Variants in LINGO2 observed in about 807,000 individuals in gnomAD.
LINGO2 encodes leucine rich repeat and Ig domain containing 2.
LINGO2 carries 14 observed loss-of-function variants against 30.6 expected under a neutral mutation model. The observed-to-expected ratio is 0.46, with a 90% CI of 0.30 to 0.72. The LOEUF (loss-of-function observed/expected upper bound fraction) is 0.72, where lower values mean the gene tolerates loss of function less well. Ranked by LOEUF, LINGO2 falls within the 30% of genes least tolerant of loss-of-function variation. The pLI is 0.07. For synonymous variants in LINGO2, 317 were observed against 288.5 expected (o/e 1.10, Z -1.00); for missense variants, 729 against 751.7 (o/e 0.97, Z 0.35).
the LINGO2 span, among the ~76,000 whole-genome samples, chr9:28,695,798 T>C: frequency 6.6e-6 from 1 of 151,362 alleles, no homozygotes; most frequent in Non-Finnish European, 1.5e-5. Context: ...AAAAAATATA[T>C]AGTTCTGAAT....
At chr9:28,755,655 C>T in the LINGO2 span, among the ~76,000 whole-genome samples, 3 of 151,976 alleles carry the variant, frequency 2.0e-5, no homozygotes, top group South Asian at 4.1e-4. Context: ...TCATGGCTTC[C>T]GAGTGAGTTG....
At chr9:28,151,024 A>C (rs1293324519) in intron 4 of LINGO2, among the ~76,000 whole-genome samples, 1 of 152,260 alleles carries the variant, frequency 6.6e-6, no homozygotes, top group Non-Finnish European at 1.5e-5. Context: ...AACAAAATTA[A>C]GGACAATTCC....
At chr9:28,943,777 T>G in the LINGO2 span, among the ~76,000 whole-genome samples, 1 of 152,108 alleles carries the variant, frequency 6.6e-6, no homozygotes. Context: ...GTGAGAAGAA[T>G]AGTGTAAGGA....
intron 4 of LINGO2, among the ~76,000 whole-genome samples, chr9:28,251,889 A>G (rs976698306): frequency 6.6e-6 from 1 of 152,170 alleles, no homozygotes; most frequent in East Asian, 1.9e-4. Context: ...TGCAAATTGT[A>G]TACCTGGAAT....
At chr9:29,131,511 G>C in the LINGO2 span, among the ~76,000 whole-genome samples, 28 of 152,072 alleles carry the variant, frequency 1.8e-4, no homozygotes, top group Non-Finnish European at 3.2e-4. Context: ...TGAAAAAAAT[G>C]CCCTACAATG....
intron 5 of LINGO2, among the ~76,000 whole-genome samples, chr9:27,962,188 G>C (rs151056002): frequency 6.6e-6 from 1 of 152,026 alleles, no homozygotes; most frequent in Non-Finnish European, 1.5e-5. Flanking sequence ...TTGAATTGAC[G>C]GTAAAGTGCG....
At chr9:29,162,897 C>T in the LINGO2 span, among the ~76,000 whole-genome samples, 1 of 152,090 alleles carries the variant, frequency 6.6e-6, no homozygotes, top group South Asian at 2.1e-4. Context: ...TTTCACTGCA[C>T]CTTGGGTTTC....
the LINGO2 span, among the ~76,000 whole-genome samples, chr9:28,732,401 T>G: frequency 2.0e-5 from 3 of 148,898 alleles, no homozygotes; most frequent in Admixed American, 6.6e-5. Flanking sequence ...GTAACCACAA[T>G]AAAAAACTTA....
At chr9:28,672,907 AT>A (rs1434796660), upstream of LINGO2, among the ~76,000 whole-genome samples, 18 of 152,162 alleles carry the variant, frequency 1.2e-4, no homozygotes, top group African/African-American at 4.8e-5. Context: ...AAGACTCAAT[AT>A]TATTTGAGGG....
At chr9:28,900,243 T>C in the LINGO2 span, among the ~76,000 whole-genome samples, 23,433 of 152,082 alleles carry the variant, frequency 0.15, 1,854 homozygotes, top group South Asian at 0.2. Context: ...CAGGCTCCAG[T>C]GGCCCCAGGG....
chr9:28,900,966 A>T, the LINGO2 span, among the ~76,000 whole-genome samples: 5 of 152,182 alleles, frequency 3.3e-5, no homozygotes, highest in Non-Finnish European at 7.4e-5. Flanking sequence ...AAATTGTTTT[A>T]AAAAAATCAA....
chr9:28,525,810 C>T (rs938164057), intron 1 of LINGO2, among the ~76,000 whole-genome samples: 5 of 152,138 alleles, frequency 3.3e-5, no homozygotes, highest in Non-Finnish European at 7.4e-5. Flanking sequence ...AATCTCAGCA[C>T]TTTGGGAGGC....
the LINGO2 span, among the ~76,000 whole-genome samples, chr9:28,972,836 G>A: frequency 6.6e-6 from 1 of 152,118 alleles, no homozygotes; most frequent in Non-Finnish European, 1.5e-5. Flanking sequence ...ATCAGATCTT[G>A]TGAGACTTAT....
At chr9:27,960,895 C>T (rs1157374868) in intron 5 of LINGO2, among the ~76,000 whole-genome samples, 2 of 151,978 alleles carry the variant, frequency 1.3e-5, no homozygotes, top group African/African-American at 4.8e-5. Context: ...TTCAATTCCT[C>T]CTGTGACTTT....
At chr9:27,942,692 A>G in the LINGO2 span, 2 of 152,156 alleles carry the variant, frequency 1.3e-5, no homozygotes, top group Non-Finnish European at 2.9e-5. Flanking sequence ...GATAAAAGAC[A>G]TTAAAGGAAA....
intron 2 of LINGO2, among the ~76,000 whole-genome samples, chr9:28,405,725 T>A (rs1822479537): frequency 6.6e-6 from 1 of 152,222 alleles, no homozygotes; most frequent in South Asian, 2.1e-4. Flanking sequence ...GACAAACTTC[T>A]CTTTCTATCA....
intron 4 of LINGO2, among the ~76,000 whole-genome samples, chr9:28,042,513 G>A (rs551141517): frequency 6.6e-6 from 1 of 152,166 alleles, no homozygotes; most frequent in East Asian, 1.9e-4. Flanking sequence ...AGCTATAGAA[G>A]AGGAAGTGTT....
chr9:28,995,132 C>T, the LINGO2 span, among the ~76,000 whole-genome samples: 1 of 151,936 alleles, frequency 6.6e-6, no homozygotes, highest in African/African-American at 2.4e-5. Flanking sequence ...TGACAAAAGG[C>T]TAATATCCAG....
At chr9:28,803,678 T>A in the LINGO2 span, among the ~76,000 whole-genome samples, 3 of 151,918 alleles carry the variant, frequency 2.0e-5, no homozygotes, top group African/African-American at 7.2e-5. Context: ...TGACATCTAG[T>A]CCAATTATTT....
Sources: gnomAD v4.1 joint callset for allele counts (sites outside exome capture counted in the v4.1 genomes callset) on GRCh38, gnomAD v4.1.1 for gene constraint, MANE v1.5 for transcripts, NCBI Gene and HGNC (gene_info 2026-07-23, HGNC 2026-07-21) for gene names.